Variants in MEGF11 observed in about 807,000 individuals in gnomAD.
MEGF11 encodes the protein multiple epidermal growth factor-like domains protein 11.
MEGF11 carries 126 observed loss-of-function variants against 146.6 expected under a neutral mutation model. The ratio of observed to expected loss-of-function variants is 0.86; its 90% CI spans 0.74 to 1.00. MEGF11 has a LOEUF of 1.00. Ranked by LOEUF, MEGF11 falls within the 50% of genes least tolerant of loss-of-function variation. The pLI, the probability that MEGF11 is intolerant of heterozygous loss-of-function variation, is 0.00. For missense variants in MEGF11, 1,509 were observed against 1,521.2 expected, an observed-to-expected ratio of 0.99 and a Z score of 0.13; for synonymous variants, 532 against 583.4, an observed-to-expected ratio of 0.91 and a Z score of 1.27.
intron 5 of MEGF11, among the ~76,000 whole-genome samples, chr15:66,001,273 G>A (rs1449887090): frequency 2.0e-5 from 3 of 152,140 alleles, no homozygotes; most frequent in Non-Finnish European, 2.9e-5. Flanking sequence ...TCTATGCAGT[G>A]CACAACCTGA....
intron 1 of MEGF11, among the ~76,000 whole-genome samples, chr15:66,198,543 T>C (rs1443151182): frequency 6.6e-6 from 1 of 152,206 alleles, no homozygotes; most frequent in Non-Finnish European, 1.5e-5. Context: ...TGGAGTGCAG[T>C]GGCGCAATCT....
intron 5 of MEGF11, among the ~76,000 whole-genome samples, chr15:65,984,576 G>A (rs2081785395): frequency 7.1e-6 from 1 of 141,200 alleles, no homozygotes; most frequent in Non-Finnish European, 1.5e-5. Flanking sequence ...GAGTGACTGA[G>A]TATCCAGCAG....
intron 1 of MEGF11, among the ~76,000 whole-genome samples, chr15:66,220,885 G>A: frequency 6.6e-6 from 1 of 152,070 alleles, no homozygotes. Flanking sequence ...TGTGGTCGTG[G>A]TTACATAAAT....
chr15:66,249,290 C>T (rs2092338609), intron 1 of MEGF11, among the ~76,000 whole-genome samples: 1 of 152,060 alleles, frequency 6.6e-6, no homozygotes, highest in Admixed American at 6.6e-5. Flanking sequence ...GAAACACAGT[C>T]CCATTAGCAG....
At chr15:66,083,932 T>A (rs888522154) in intron 5 of MEGF11, among the ~76,000 whole-genome samples, 33 of 152,252 alleles carry the variant, frequency 2.2e-4, no homozygotes, top group South Asian at 6.2e-4. Flanking sequence ...ATTAAAATAA[T>A]TTTTAAAAAT....
At chr15:66,046,200 G>A (rs892472978) in intron 5 of MEGF11, among the ~76,000 whole-genome samples, 4 of 152,164 alleles carry the variant, frequency 2.6e-5, no homozygotes, top group African/African-American at 9.7e-5. Flanking sequence ...TAAGTAGCAG[G>A]AAGCTGACTC....
intron 9 of MEGF11, among the ~76,000 whole-genome samples, chr15:65,963,933 G>A (rs1290376527): frequency 6.6e-6 from 1 of 152,230 alleles, no homozygotes; most frequent in African/African-American, 2.4e-5. Flanking sequence ...CCGTCCCAGC[G>A]ACAGGGCTGC....
intron 7 of MEGF11, among the ~76,000 whole-genome samples, chr15:65,977,844 A>G (rs2081503637): frequency 6.6e-6 from 1 of 151,890 alleles, no homozygotes; most frequent in South Asian, 2.1e-4. Context: ...AGGGTGGGGG[A>G]TGTCAATCCT....
intron 1 of MEGF11, among the ~76,000 whole-genome samples, chr15:66,251,321 C>T (rs1398768527): frequency 6.6e-6 from 1 of 152,212 alleles, no homozygotes; most frequent in Non-Finnish European, 1.5e-5. Context: ...GCCTTCTCCA[C>T]GGACTATCCC....
chr15:66,161,247 T>A (rs1400523997), intron 1 of MEGF11, among the ~76,000 whole-genome samples: 1 of 152,058 alleles, frequency 6.6e-6, no homozygotes, highest in Non-Finnish European at 1.5e-5. Flanking sequence ...TAGCGATGAA[T>A]GTAAGGGGCT....
intron 4 of MEGF11, among the ~76,000 whole-genome samples, chr15:66,115,248 C>T (rs111329347): frequency 5.9e-5 from 9 of 152,320 alleles, no homozygotes; most frequent in Admixed American, 2.0e-4. Context: ...GGCCTCTGAG[C>T]GATCTGGAGA....
intron 1 of MEGF11, among the ~76,000 whole-genome samples, chr15:66,181,347 GGTTTTT>G (rs751215883): frequency 6.6e-6 from 1 of 152,114 alleles, no homozygotes; most frequent in South Asian, 2.1e-4. Flanking sequence ...CCCAGGCTCA[GGTTTTT>G]GTTTTTGTTT....
intron 7 of MEGF11, among the ~76,000 whole-genome samples, chr15:65,971,763 G>A (rs1312583078): frequency 2.0e-5 from 3 of 152,098 alleles, no homozygotes; most frequent in African/African-American, 7.2e-5. Flanking sequence ...TGTAAAACAT[G>A]AACAGATGGC....
At chr15:66,178,489 T>C (rs1389097278) in intron 1 of MEGF11, among the ~76,000 whole-genome samples, 1 of 152,234 alleles carries the variant, frequency 6.6e-6, no homozygotes, top group Non-Finnish European at 1.5e-5. Flanking sequence ...TGTTTGTTGC[T>C]GTCCATGAGG....
chr15:65,970,504 G>A (rs772830359), intron 8 of MEGF11, 49 bp downstream of exon 8: 1 of 1,588,406 alleles, frequency 6.3e-7, no homozygotes, highest in African/African-American at 1.3e-5. Context: ...AGTCTCCTAT[G>A]AATATGAGTA....
Position 66,037,372 on chromosome 15 carries a change from G to A in MEGF11, c.395-54884C>T, listed in dbSNP as rs531800378. On this transcript the variant is annotated intron_variant, in intron 5 of 25. Transcript: ENST00000395614. ...TGCCAAAATGAGCCTGTCAGTTTTC[G>A]TATCTGAGCTCTACTGCTTTCTTAG... is the stretch of plus-strand genomic sequence containing the variant. 5.7e-4 allele frequency among the ~76,000 whole-genome samples: 87 copies of A among 152,324 alleles called. 1 individual carries two copies. Among genetic ancestry groups the A allele is most frequent in the African/African-American group, 2.0e-3 (83 of 41,574 alleles).
At chr15:66,239,948 A>G (rs944669765) in intron 1 of MEGF11, among the ~76,000 whole-genome samples, 14 of 152,240 alleles carry the variant, frequency 9.2e-5, no homozygotes, top group Non-Finnish European at 1.3e-4. Context: ...TCTGAGTCAC[A>G]GTGGCTCCAC....
rs987812026 is a variant in MEGF11 at position 65,896,515 on chromosome 15, T to G, written c.*1419A>C. The G allele has an allele frequency of 2.0e-5, 3 of 152,690 alleles. No individual in the cohort carries two copies. Among genetic ancestry groups the G allele is most frequent in the African/African-American group, 7.2e-5 (3 of 41,468 alleles). 9.5% of individuals were successfully genotyped at this position (152,690 alleles called of 1,614,324 possible). On this transcript the variant is annotated 3_prime_UTR_variant, in exon 26 of 26. Coordinates refer to ENST00000395614, the MANE Select transcript of MEGF11 (RefSeq NM_001385028.1). ...GTATCTTTTTGGAAGTGTTTTTTAC[T>G]GGCTGGACTGTACCAGTGAATAGAG...
intron 5 of MEGF11, among the ~76,000 whole-genome samples, chr15:66,045,631 T>G (rs1473681485): frequency 2.0e-5 from 3 of 152,174 alleles, no homozygotes; most frequent in Non-Finnish European, 4.4e-5. Context: ...CACCTCCAAA[T>G]GAAACACAGA....
Sources: gnomAD v4.1 joint callset for allele counts (sites outside exome capture counted in the v4.1 genomes callset) on GRCh38, gnomAD v4.1.1 for gene constraint, MANE v1.5 for transcripts, NCBI Gene and HGNC (gene_info 2026-07-23, HGNC 2026-07-21) for gene names.